THSD7B: variants seen among roughly 807,000 people sequenced by gnomAD.
THSD7B encodes thrombospondin type 1 domain containing 7B.
THSD7B carries 138 observed loss-of-function variants against 213.6 expected under a neutral mutation model. The observed-to-expected ratio is 0.65, with a 90% CI of 0.56 to 0.74. The LOEUF (loss-of-function observed/expected upper bound fraction) is 0.74, where lower values mean the gene tolerates loss of function less well. Ranked by LOEUF, THSD7B falls within the 30% of genes least tolerant of loss-of-function variation. The probability of loss-of-function intolerance (pLI) is 0.00; values close to 1 mark genes in which losing one functional copy is unlikely to be tolerated. For synonymous variants in THSD7B, 742 were observed against 687.0 expected (o/e 1.08, Z -1.25); for missense variants, 1,931 against 1,991.5 (o/e 0.97, Z 0.58).
intron 1 of THSD7B, among the ~76,000 whole-genome samples, chr2:136,813,800 T>C (rs1682426444): frequency 1.3e-5 from 2 of 152,262 alleles, no homozygotes; most frequent in East Asian, 1.9e-4. Context: ...TGCTTGTGAC[T>C]CTACAAAATT....
At chr2:137,395,285 T>C (rs372687682) in intron 12 of THSD7B, among the ~76,000 whole-genome samples, 2 of 147,770 alleles carry the variant, frequency 1.4e-5, no homozygotes, top group Non-Finnish European at 3.0e-5. Context: ...TTCAGTATGA[T>C]ATTGGCTGTG....
At chr2:137,122,645 C>G (rs1688564625) in intron 5 of THSD7B, among the ~76,000 whole-genome samples, 1 of 152,072 alleles carries the variant, frequency 6.6e-6, no homozygotes, top group Admixed American at 6.6e-5. Context: ...ATGGTAATAC[C>G]TGAACTGTTA....
chr2:136,845,840 C>A (rs1359828627), intron 1 of THSD7B, among the ~76,000 whole-genome samples: 2 of 152,112 alleles, frequency 1.3e-5, no homozygotes, highest in African/African-American at 4.8e-5. Context: ...ACAACTTATT[C>A]CTGAACATTT....
intron 17 of THSD7B, among the ~76,000 whole-genome samples, chr2:137,600,336 T>C (rs1265996369): frequency 1.4e-4 from 21 of 152,186 alleles, no homozygotes; most frequent in Admixed American, 1.4e-3. Flanking sequence ...ATGAAGGTGG[T>C]GCCATATGAT....
At chr2:137,186,532 T>G (rs531548696) in intron 7 of THSD7B, among the ~76,000 whole-genome samples, 2 of 152,222 alleles carry the variant, frequency 1.3e-5, no homozygotes. Flanking sequence ...GATGTGTGGC[T>G]TTATTTTTGA....
At chr2:136,839,215 G>A (rs555355391) in intron 1 of THSD7B, among the ~76,000 whole-genome samples, 2 of 152,152 alleles carry the variant, frequency 1.3e-5, no homozygotes, top group Non-Finnish European at 2.9e-5. Flanking sequence ...ACACTTGAGG[G>A]TATGCACCAC....
intron 2 of THSD7B, among the ~76,000 whole-genome samples, chr2:136,978,982 C>A (rs1017853344): frequency 3.3e-5 from 5 of 151,798 alleles, no homozygotes; most frequent in Non-Finnish European, 5.9e-5. Flanking sequence ...CAAGCCAGGC[C>A]TGGTGGTGAT....
At chr2:137,165,653 C>T (rs1017585772) in intron 6 of THSD7B, among the ~76,000 whole-genome samples, 3 of 151,948 alleles carry the variant, frequency 2.0e-5, no homozygotes, top group Admixed American at 2.0e-4. Context: ...GGGATATAAG[C>T]GGGAGTGTTT....
chr2:137,599,715 T>A (rs1682039558), intron 17 of THSD7B, among the ~76,000 whole-genome samples: 1 of 152,180 alleles, frequency 6.6e-6, no homozygotes, highest in African/African-American at 2.4e-5. Flanking sequence ...TATTCTTTCC[T>A]CCCTTCTTGT....
chr2:137,582,252 A>G (rs1007802592), intron 17 of THSD7B, among the ~76,000 whole-genome samples: 1 of 152,146 alleles, frequency 6.6e-6, no homozygotes, highest in Non-Finnish European at 1.5e-5. Flanking sequence ...ATTTGGCATT[A>G]CTGGTATGCT....
At chr2:137,007,693 A>C (rs1686143933) in intron 2 of THSD7B, among the ~76,000 whole-genome samples, 1 of 152,160 alleles carries the variant, frequency 6.6e-6, no homozygotes, top group African/African-American at 2.4e-5. Context: ...TCATTTTGGT[A>C]GCATAAAAAA....
intron 12 of THSD7B, among the ~76,000 whole-genome samples, chr2:137,288,485 T>C (rs1558744085): frequency 6.6e-6 from 1 of 152,012 alleles, no homozygotes; most frequent in African/African-American, 2.4e-5. Flanking sequence ...GAAGACTTTG[T>C]AATTATGCCA....
intron 26 of THSD7B, among the ~76,000 whole-genome samples, chr2:137,665,925 T>G (rs2104825694): frequency 6.6e-6 from 1 of 152,236 alleles, no homozygotes; most frequent in African/African-American, 2.4e-5. Context: ...TTGTGTCTTT[T>G]TAAGAAGTGT....
intron 2 of THSD7B, among the ~76,000 whole-genome samples, chr2:137,002,737 A>G (rs187989244): frequency 2.2e-4 from 34 of 152,198 alleles, no homozygotes; most frequent in South Asian, 6.2e-4. Context: ...ATTTGATTCT[A>G]TATCACTGTT....
intron 14 of THSD7B, among the ~76,000 whole-genome samples, chr2:137,436,734 A>C (rs1287562529): frequency 3.3e-5 from 5 of 152,206 alleles, no homozygotes; most frequent in African/African-American, 1.2e-4. Context: ...AACCGTAAAA[A>C]CAAGAACAAT....
At chr2:137,113,042 C>A (rs972299631) in intron 4 of THSD7B, among the ~76,000 whole-genome samples, 8 of 152,180 alleles carry the variant, frequency 5.3e-5, no homozygotes, top group Non-Finnish European at 1.2e-4. Flanking sequence ...TTTTGCGTGT[C>A]TTCTTTGTTA....
intron 1 of THSD7B, among the ~76,000 whole-genome samples, chr2:136,778,813 G>A (rs1681661476): frequency 6.6e-6 from 1 of 152,166 alleles, no homozygotes; most frequent in African/African-American, 2.4e-5. Context: ...GAGATGCACT[G>A]ATACCTCTAT....
chr2:137,609,329 G>A (rs777310479), intron 17 of THSD7B, among the ~76,000 whole-genome samples: 2 of 152,206 alleles, frequency 1.3e-5, no homozygotes, highest in Non-Finnish European at 2.9e-5. Context: ...GGAAGACAAG[G>A]AGTAACATGG....
chr2:137,624,298 C>A (rs534753526), intron 20 of THSD7B, among the ~76,000 whole-genome samples: 1 of 152,304 alleles, frequency 6.6e-6, no homozygotes, highest in East Asian at 1.9e-4. Flanking sequence ...AAACTGGATC[C>A]CTTCCTTACA....
Sources: gnomAD v4.1 joint callset for allele counts (sites outside exome capture counted in the v4.1 genomes callset) on GRCh38, gnomAD v4.1.1 for gene constraint, MANE v1.5 for transcripts, NCBI Gene and HGNC (gene_info 2026-07-23, HGNC 2026-07-21) for gene names.